The following SLC7A1 variants were observed in gnomAD, a reference collection of about 807,000 sequenced individuals.
The protein encoded by SLC7A1 is solute carrier family 7 member 1, also known as high affinity cationic amino acid transporter 1.
In SLC7A1, 10 loss-of-function variants were observed where a neutral mutation model predicts 53.9. That is an observed-to-expected ratio of 0.19 (90% CI 0.11 to 0.31). The LOEUF is 0.31. SLC7A1 is among the 10% of genes least tolerant of loss of function. The probability of loss-of-function intolerance (pLI) is 1.00; values close to 1 mark genes in which losing one functional copy is unlikely to be tolerated. For missense variants in SLC7A1, 525 were observed against 827.2 expected (o/e 0.63, Z 4.48); for synonymous variants, 342 against 338.7 (o/e 1.01, Z -0.11).
At chr13:29,565,092 G>A (rs934042494) in intron 1 of SLC7A1, among the ~76,000 whole-genome samples, 1 of 152,148 alleles carries the variant, frequency 6.6e-6, no homozygotes, top group Non-Finnish European at 1.5e-5. Context: ...CTTAATTAAT[G>A]GTTTGTCAAT....
At chr13:29,528,381 G>A (rs1868997126) in intron 5 of SLC7A1, among the ~76,000 whole-genome samples, 1 of 152,316 alleles carries the variant, frequency 6.6e-6, no homozygotes, top group East Asian at 1.9e-4. Flanking sequence ...AGACTGCAGG[G>A]TAACTAACAC....
intron 2 of SLC7A1, among the ~76,000 whole-genome samples, chr13:29,546,810 C>G (rs1869940535): frequency 6.6e-6 from 1 of 152,196 alleles, no homozygotes; most frequent in Non-Finnish European, 1.5e-5. Context: ...AGGAAATGAC[C>G]TGAAGAACAG....
intron 2 of SLC7A1, among the ~76,000 whole-genome samples, chr13:29,537,009 T>G (rs919124268): frequency 1.3e-5 from 2 of 152,224 alleles, no homozygotes. Flanking sequence ...GTGGGATGGC[T>G]CTGAGATTGC....
intron 1 of SLC7A1, among the ~76,000 whole-genome samples, chr13:29,574,024 G>A (rs1034966656): frequency 1.4e-4 from 22 of 152,202 alleles, no homozygotes; most frequent in South Asian, 4.1e-4. Context: ...AACAGACCCA[G>A]AAAATTAGAG....
intron 5 of SLC7A1, among the ~76,000 whole-genome samples, chr13:29,528,731 G>C (rs554520967): frequency 1.3e-5 from 2 of 152,232 alleles, no homozygotes; most frequent in Non-Finnish European, 2.9e-5. Context: ...ATCCCCTGCC[G>C]TCCCTGTGGT....
intron 1 of SLC7A1, chr13:29,586,582 T>C (rs1871893486): frequency 6.6e-6 from 1 of 152,084 alleles, no homozygotes; most frequent in South Asian, 2.1e-4. Context: ...AACATGGAAA[T>C]GGTATCATGA....
chr13:29,531,563 G>A (rs1869162850), intron 4 of SLC7A1, among the ~76,000 whole-genome samples: 1 of 152,228 alleles, frequency 6.6e-6, no homozygotes, highest in Admixed American at 6.5e-5. Flanking sequence ...AATTGGCTAG[G>A]TGCGGTCGCT....
At chr13:29,573,241 C>T (rs1871272848) in intron 1 of SLC7A1, among the ~76,000 whole-genome samples, 2 of 152,278 alleles carry the variant, frequency 1.3e-5, no homozygotes, top group South Asian at 4.1e-4. Flanking sequence ...AGTCTTGCCA[C>T]ATGTCCTGTG....
chr13:29,530,840 T>G, intron 4 of SLC7A1, 128 bp from the exon 5 acceptor site: 1 of 676,010 alleles, frequency 1.5e-6, no homozygotes, highest in Non-Finnish European at 2.5e-6. Context: ...CAGACCTCTG[T>G]GAGCCTCTGG....
chr13:29,509,544 AG>A lies in SLC7A1; in HGVS notation c.*4935del, dbSNP rs1883335158. 2 of 152,694 alleles carry A rather than the reference AG, an allele frequency of 1.3e-5. No individual in the cohort carries two copies. Among genetic ancestry groups the A allele is most frequent in the African/African-American group, 4.8e-5 (2 of 41,464 alleles). 9.5% of individuals were successfully genotyped at this position (152,694 alleles called of 1,614,324 possible). On this transcript the variant is annotated 3_prime_UTR_variant, in exon 13 of 13. Transcript: ENST00000380752. ...AGTGTTGTCAGCAAAAAGGGGAGGC[AG>A]GGCAGTTTCACATTTTTTGAAAGGT...
At chr13:29,532,424 C>T (rs138626619) in intron 4 of SLC7A1, among the ~76,000 whole-genome samples, 280 of 152,332 alleles carry the variant, frequency 1.8e-3, no homozygotes, top group Non-Finnish European at 3.5e-3. Flanking sequence ...CCAGACGGAG[C>T]TCATTCCTCC....
chr13:29,537,917 C>CGG (rs796640863), intron 2 of SLC7A1, among the ~76,000 whole-genome samples: 60 of 152,354 alleles, frequency 3.9e-4, no homozygotes, highest in African/African-American at 1.2e-3. Context: ...TGCCTGCCCA[C>CGG]ACCTTTGCAC....
At chr13:29,573,259 G>A (rs1223645656) in intron 1 of SLC7A1, among the ~76,000 whole-genome samples, 1 of 152,102 alleles carries the variant, frequency 6.6e-6, no homozygotes, top group East Asian at 1.9e-4. Flanking sequence ...GTGTCCAACA[G>A]AACAGATAGA....
rs1463293031 is a variant in SLC7A1 at position 29,553,808 on chromosome 13, T to C, written c.-62A>G. 6.6e-6 allele frequency: 1 copy of C among 152,160 alleles called. No homozygotes were observed. The highest frequency in any genetic ancestry group is 1.5e-5 in the Non-Finnish European group (1 of 68,058). 9.4% of individuals were successfully genotyped at this position (152,160 alleles called of 1,614,324 possible). A position where few individuals can be genotyped will look rare whatever the true frequency, so the allele number is the denominator to read the frequency against. ...ACCACCTTCTCACCAGAGGACAGCC[T>C]CGATCTTGCAGCAAAGATGTCTCAG... On this transcript the variant is annotated 5_prime_UTR_variant, in exon 2 of 13. Transcript: ENST00000380752.
intron 5 of SLC7A1, among the ~76,000 whole-genome samples, chr13:29,528,119 G>A (rs758007610): frequency 1.4e-4 from 21 of 152,242 alleles, no homozygotes; most frequent in Non-Finnish European, 2.6e-4. Context: ...TGGGGCGCCT[G>A]GCCTGGATTC....
At chr13:29,556,385 CT>C (rs1427696641) in intron 1 of SLC7A1, among the ~76,000 whole-genome samples, 2 of 150,674 alleles carry the variant, frequency 1.3e-5, no homozygotes, top group African/African-American at 4.9e-5. Flanking sequence ...TTTTAATTTT[CT>C]TTTTTTTTAG....
In SLC7A1 at chr13:29,576,292, T is replaced by TAAAAAAAAAAAAAA. The variant is rs146432104; in HGVS notation, c.-115+19123_-115+19124insTTTTTTTTTTTTTT. Among the ~76,000 whole-genome samples the TAAAAAAAAAAAAAA allele has an allele frequency of 3.1e-3, 337 of 107,046 alleles. 15 individuals are homozygous for TAAAAAAAAAAAAAA. Among genetic ancestry groups the TAAAAAAAAAAAAAA allele is most frequent in the Middle Eastern group, 0.011 (2 of 180 alleles). The allele number at this position is 107,046 out of a possible 152,430, so 70.2% of individuals were successfully genotyped here. Reference sequence around the variant, plus strand: ...GGGTATCAGTATGAGATCCTGTTTTTTAAAAAAAAAAAAAAGGAAAGAAAA... The same window carrying TAAAAAAAAAAAAAA: ...GGGTATCAGTATGAGATCCTGTTTTTAAAAAAAAAAAAAATAAAAAAAAAAAAAAGGAAAGAAAA... On this transcript the variant is annotated intron_variant, in intron 1 of 12. Transcript: ENST00000380752.
At chr13:29,529,338 G>C (rs1183168372) in intron 5 of SLC7A1, among the ~76,000 whole-genome samples, 2 of 152,212 alleles carry the variant, frequency 1.3e-5, no homozygotes, top group Non-Finnish European at 2.9e-5. Flanking sequence ...ACCTGGCCCT[G>C]AACCAGTGAC....
At chr13:29,576,977 A>G (rs538075138) in intron 1 of SLC7A1, among the ~76,000 whole-genome samples, 49 of 152,188 alleles carry the variant, frequency 3.2e-4, no homozygotes, top group Admixed American at 1.0e-3. Context: ...CCCTGGTCCT[A>G]GCCTGTCACC....
Sources: allele counts gnomAD v4.1 joint callset (sites outside exome capture counted in the v4.1 genomes callset), GRCh38; gene constraint gnomAD v4.1.1; transcripts MANE v1.5; gene names NCBI Gene and HGNC (gene_info 2026-07-23, HGNC 2026-07-21).